Variants in DST observed in about 807,000 individuals in gnomAD.
The protein encoded by DST is bullous pemphigoid antigen.
Under a neutral mutation model 875.2 loss-of-function variants are expected in DST, and 253 were observed. The ratio of observed to expected loss-of-function variants is 0.29; its 90% CI spans 0.26 to 0.32. The LOEUF is 0.32. DST is among the 10% of genes least tolerant of loss of function. The pLI is 1.00. For missense variants in DST, 8,287 were observed against 9,111.6 expected (o/e 0.91, Z 3.68); for synonymous variants, 3,124 against 3,197.1 (o/e 0.98, Z 0.77).
intron 92 of DST, among the ~76,000 whole-genome samples, chr6:56,475,339 A>G (rs753670686): frequency 3.9e-5 from 6 of 151,972 alleles, no homozygotes; most frequent in Non-Finnish European, 7.4e-5. Flanking sequence ...CACAGGAAAC[A>G]TGACCTGGTA....
Position 56,532,451 on chromosome 6 carries a change from T to G in DST, c.17001A>C (p.Gly5667=). Residue 5667 remains glycine (G), a synonymous_variant, in exon 64 of 104, where the codon GGA becomes GGC. Transcript: ENST00000680361. ...KSTVEVIKRE[G]EKIATTAEPA... Reference sequence around the variant, plus strand: ...GCTCTGCTGTTGTAGCAATTTTTTCTCCTTCTCGTTTGATTACCTCCACCG... The same window carrying G: ...GCTCTGCTGTTGTAGCAATTTTTTCGCCTTCTCGTTTGATTACCTCCACCG... 6.2e-7 allele frequency: 1 copy of G among 1,612,086 alleles called. No homozygotes were observed. Among genetic ancestry groups the G allele is most frequent in the South Asian group, 1.1e-5 (1 of 90,636 alleles).
chr6:56,548,615 C>T (rs2097267965), intron 61 of DST, among the ~76,000 whole-genome samples: 1 of 152,164 alleles, frequency 6.6e-6, no homozygotes, highest in African/African-American at 2.4e-5. Flanking sequence ...ATAGAGGGAA[C>T]ACCAAAGGAG....
intron 32 of DST, 70 bp downstream of exon 32, chr6:56,629,180 G>A: frequency 6.8e-7 from 1 of 1,472,254 alleles, no homozygotes; most frequent in Non-Finnish European, 9.5e-7. Flanking sequence ...CCTCATATGT[G>A]TAGATTTTAC....
At chr6:56,544,607 A>G (rs1344915567) in intron 61 of DST, among the ~76,000 whole-genome samples, 1 of 152,230 alleles carries the variant, frequency 6.6e-6, no homozygotes, top group Non-Finnish European at 1.5e-5. Flanking sequence ...TCCTTACACC[A>G]CTTACACTAG....
chr6:56,527,412 AC>A (rs1362100978), intron 68 of DST, 80 bp downstream of exon 68: 9 of 1,490,940 alleles, frequency 6.0e-6, no homozygotes, highest in Non-Finnish European at 8.1e-6. Context: ...ATGACATAAG[AC>A]AAATATAATT....
chr6:56,849,142 T>TTC (rs1265451109), intron 4 of DST, among the ~76,000 whole-genome samples: 4 of 145,478 alleles, frequency 2.7e-5, no homozygotes, highest in African/African-American at 1.0e-4. Flanking sequence ...CAATTTTTTT[T>TTC]TTTTTTTTTT....
At chr6:56,816,123 A>G (rs1427957011) in intron 4 of DST, among the ~76,000 whole-genome samples, 1 of 152,154 alleles carries the variant, frequency 6.6e-6, no homozygotes, top group Admixed American at 6.5e-5. Flanking sequence ...AAAAATAAAC[A>G]CCCTGAAAGG....
At chr6:56,944,166 C>T (rs149108633) in intron 2 of DST, among the ~76,000 whole-genome samples, 223 of 152,204 alleles carry the variant, frequency 1.5e-3, no homozygotes, top group African/African-American at 5.2e-3. Context: ...CTGTCTCTTT[C>T]CCCTTAAGGA....
chr6:56,840,962 A>G (rs560470839), intron 4 of DST, among the ~76,000 whole-genome samples: 6 of 152,252 alleles, frequency 3.9e-5, no homozygotes, highest in African/African-American at 1.4e-4. Flanking sequence ...GTAACCAAGG[A>G]ACTCTGTCAG....
chr6:56,615,662 T>G lies in DST; in HGVS notation c.4930-1178A>C. The G allele has an allele frequency of 1.9e-6, 3 of 1,614,134 alleles. 1 individual carries two copies. In the South Asian group the frequency reaches 3.3e-5, roughly 18 times the overall value. ...TCTTTTTGTCTGAGGGCATATTATATTTCTGACATATGACTTTTGATCTTT... is the reference window on the plus strand; with the variant it reads ...TCTTTTTGTCTGAGGGCATATTATAGTTCTGACATATGACTTTTGATCTTT... On this transcript the variant is annotated intron_variant, in intron 36 of 103. Transcript: ENST00000680361.
At chr6:56,576,932 G>T (rs2097876490) in intron 50 of DST, among the ~76,000 whole-genome samples, 1 of 152,044 alleles carries the variant, frequency 6.6e-6, no homozygotes, top group African/African-American at 2.4e-5. Flanking sequence ...TTGTCATAGT[G>T]GGCTAAACGA....
intron 2 of DST, among the ~76,000 whole-genome samples, chr6:56,922,691 T>C (rs1394349003): frequency 6.6e-6 from 1 of 152,196 alleles, no homozygotes; most frequent in Non-Finnish European, 1.5e-5. Context: ...TCCTTCCAGC[T>C]GCATGAATGG....
Position 56,605,012 on chromosome 6 carries a change from G to T in DST, c.9616C>A (p.His3206Asn), listed in dbSNP as rs2098481851. ...ATGGGAGGGGCAGTTATTAAAACATGGCTTGGGACATCTTCATTTGGTTTG... is the reference window on the plus strand; with the variant it reads ...ATGGGAGGGGCAGTTATTAAAACATTGCTTGGGACATCTTCATTTGGTTTG... ...VAKPNEDVPS[H>N]VLITAPPMKE... is the part of the protein sequence containing the mutation. The change falls in exon 40 of 104, where the codon CAT (histidine) becomes AAT (asparagine). Residue 3206 changes from histidine (H) to asparagine (N), a missense_variant. Transcript: ENST00000680361. 1 of 1,612,892 alleles carries T rather than the reference G, an allele frequency of 6.2e-7. No individual in the cohort carries two copies. Among genetic ancestry groups the T allele is most frequent in the Non-Finnish European group, 8.5e-7 (1 of 1,179,314 alleles).
intron 4 of DST, among the ~76,000 whole-genome samples, chr6:56,756,628 G>A (rs970927871): frequency 3.3e-5 from 5 of 152,144 alleles, no homozygotes; most frequent in African/African-American, 1.2e-4. Context: ...CTCAAGACAC[G>A]CAGAGAAAAA....
intron 36 of DST, chr6:56,617,937 G>C (rs1290071261): frequency 6.6e-7 from 1 of 1,512,736 alleles, no homozygotes; most frequent in Non-Finnish European, 9.2e-7. Context: ...AAACAAATGA[G>C]GAAACTTGAC....
At chr6:56,665,409 C>T (rs761414446) in intron 10 of DST, among the ~76,000 whole-genome samples, 24 of 151,774 alleles carry the variant, frequency 1.6e-4, no homozygotes, top group Non-Finnish European at 3.1e-4. Flanking sequence ...TTAAGTTCAT[C>T]GATAATTTTC....
chr6:56,936,289 A>C (rs1812964946), intron 2 of DST, among the ~76,000 whole-genome samples: 1 of 152,260 alleles, frequency 6.6e-6, no homozygotes, highest in Non-Finnish European at 1.5e-5. Flanking sequence ...AATAGAATGC[A>C]TTGAGCAGCT....
chr6:56,642,021 A>C lies in DST; in HGVS notation c.1953T>G (p.Leu651=). ...GTACATCAATTACATGCTGGCGTAA[A>C]AGGTTCTCACATTCAAGTATATACC... The part of the protein sequence containing the change: ...IAGYILECEN[L]LRQHVIDVQI... Residue 651 remains leucine, a synonymous_variant, in exon 17 of 104, where the codon CTT becomes CTG. Transcript: ENST00000680361. 6.2e-7 allele frequency: 1 copy of C among 1,613,118 alleles called. No individual in the cohort carries two copies. Among genetic ancestry groups the C allele is most frequent in the Non-Finnish European group, 8.5e-7 (1 of 1,179,248 alleles).
chr6:56,620,051 T>C, intron 36 of DST: 2 of 1,613,980 alleles, frequency 1.2e-6, no homozygotes, highest in Non-Finnish European at 1.7e-6. Flanking sequence ...TCTACATGTA[T>C]ACTGAATTTC....
Sources: allele counts gnomAD v4.1 joint callset (sites outside exome capture counted in the v4.1 genomes callset), GRCh38; gene constraint gnomAD v4.1.1; transcripts MANE v1.5; gene names NCBI Gene and HGNC (gene_info 2026-07-23, HGNC 2026-07-21).